NR6A1: variants seen among roughly 807,000 people sequenced by gnomAD.
The protein encoded by NR6A1 is retinoic acid receptor-related testis-associated receptor.
NR6A1 carries 7 observed loss-of-function variants against 59.1 expected under a neutral mutation model. The observed-to-expected ratio is 0.12, with a 90% CI of 0.07 to 0.22. The LOEUF (loss-of-function observed/expected upper bound fraction) is 0.22. Among genes scored for constraint, NR6A1 ranks in the 10% least tolerant of loss-of-function variants. The probability of loss-of-function intolerance (pLI) is 1.00; values close to 1 mark genes in which losing one functional copy is unlikely to be tolerated. For missense variants in NR6A1, 468 were observed against 611.6 expected (o/e 0.77, Z 2.48); for synonymous variants, 243 against 236.1 (o/e 1.03, Z -0.27).
At chr9:124,569,218 G>C (rs924755691) in intron 2 of NR6A1, among the ~76,000 whole-genome samples, 1 of 152,164 alleles carries the variant, frequency 6.6e-6, no homozygotes, top group Non-Finnish European at 1.5e-5. Flanking sequence ...AGAGAACTAC[G>C]TGCAATCTAT....
chr9:124,705,744 T>C (rs570326656), intron 2 of NR6A1, among the ~76,000 whole-genome samples: 13 of 152,042 alleles, frequency 8.6e-5, no homozygotes, highest in Admixed American at 3.9e-4. Flanking sequence ...TCATCTTTTG[T>C]GTGAAGTATG....
At chr9:124,586,197 G>C (rs1424714108) in intron 2 of NR6A1, among the ~76,000 whole-genome samples, 1 of 152,084 alleles carries the variant, frequency 6.6e-6, no homozygotes, top group Admixed American at 6.6e-5. Flanking sequence ...GATGGATCTA[G>C]GAAAAGTAAT....
chr9:124,603,454 G>A (rs534826551), intron 2 of NR6A1, among the ~76,000 whole-genome samples: 1 of 152,066 alleles, frequency 6.6e-6, no homozygotes, highest in African/African-American at 2.4e-5. Flanking sequence ...TTCAGGCCCT[G>A]TGTTAAATAT....
chr9:124,762,065 A>G (rs1321577346), intron 1 of NR6A1, among the ~76,000 whole-genome samples: 1 of 152,210 alleles, frequency 6.6e-6, no homozygotes, highest in African/African-American at 2.4e-5. Context: ...AAGTACTACT[A>G]ATGGTATCTG....
chr9:124,598,103 C>T (rs775600563), intron 2 of NR6A1, among the ~76,000 whole-genome samples: 13 of 152,300 alleles, frequency 8.5e-5, no homozygotes, highest in Non-Finnish European at 1.8e-4. Flanking sequence ...CCTGCCTTAA[C>T]CTCTCAAAGT....
chr9:124,614,650 T>C (rs886430474), intron 2 of NR6A1, among the ~76,000 whole-genome samples: 1 of 152,188 alleles, frequency 6.6e-6, no homozygotes, highest in Non-Finnish European at 1.5e-5. Flanking sequence ...TAGGCTCCTC[T>C]TGACATAGAC....
At chr9:124,613,337 ATAAAATTAAAAT>A (rs1245901665) in intron 2 of NR6A1, among the ~76,000 whole-genome samples, 6 of 152,238 alleles carry the variant, frequency 3.9e-5, no homozygotes, top group Non-Finnish European at 5.9e-5. Flanking sequence ...TGTCTCTAAA[ATAAAATTAAAAT>A]TAAAATTAAA....
chr9:124,558,701 C>T (rs990810307), intron 2 of NR6A1, among the ~76,000 whole-genome samples: 1 of 152,062 alleles, frequency 6.6e-6, no homozygotes, highest in African/African-American at 2.4e-5. Flanking sequence ...AATAGTCATC[C>T]AGCTAGTAAG....
intron 2 of NR6A1, among the ~76,000 whole-genome samples, chr9:124,727,014 T>C (rs1456977017): frequency 1.3e-5 from 2 of 152,252 alleles, no homozygotes; most frequent in Non-Finnish European, 2.9e-5. Context: ...TCTTTTGATA[T>C]GTAAGTTCTT....
intron 2 of NR6A1, among the ~76,000 whole-genome samples, chr9:124,653,022 AATC>A (rs1447052890): frequency 6.6e-6 from 1 of 152,198 alleles, no homozygotes; most frequent in African/African-American, 2.4e-5. Context: ...CATTTTGTAT[AATC>A]ATTATTAAAG....
At chr9:124,526,083 G>C (rs930826059) in intron 8 of NR6A1, among the ~76,000 whole-genome samples, 2 of 152,170 alleles carry the variant, frequency 1.3e-5, no homozygotes, top group African/African-American at 4.8e-5. Context: ...GAGGGCACTT[G>C]CAATGCCACA....
At chr9:124,713,259 C>T (rs970320712) in intron 2 of NR6A1, among the ~76,000 whole-genome samples, 1 of 151,376 alleles carries the variant, frequency 6.6e-6, no homozygotes, top group East Asian at 1.9e-4. Context: ...AACTCAAAAT[C>T]GATCAAAGAC....
At chr9:124,770,920 G>C in intron 1 of NR6A1, 100 bp downstream of exon 1, 1 of 678,742 alleles carries the variant, frequency 1.5e-6, no homozygotes, top group Non-Finnish European at 2.1e-6. Context: ...GGCCGCTGCG[G>C]CTTCCCAGGG....
intron 1 of NR6A1, among the ~76,000 whole-genome samples, chr9:124,746,492 G>C (rs903952640): frequency 9.2e-5 from 14 of 152,120 alleles, no homozygotes; most frequent in African/African-American, 3.4e-4. Context: ...GGTAGGCTGA[G>C]ACAGGAGAAT....
chr9:124,619,464 C>T (rs1031940954), intron 2 of NR6A1, among the ~76,000 whole-genome samples: 1 of 152,124 alleles, frequency 6.6e-6, no homozygotes, highest in African/African-American at 2.4e-5. Flanking sequence ...TGTTTCACCA[C>T]GTTTCCCAGG....
Position 124,676,984 on chromosome 9 carries a change from A to C in NR6A1, c.142+56324T>G, listed in dbSNP as rs553827484. Among the ~76,000 whole-genome samples, 90 of 152,320 alleles carry C rather than the reference A, an allele frequency of 5.9e-4. 1 individual carries two copies. The South Asian group carries it at 0.018, about 30-fold the overall frequency. ...TACACATAAGCTAGTTTCAAGATCA[A>C]AACTGCGTTTGTCCCTTTCAACAAC... On this transcript the variant is annotated intron_variant, in intron 2 of 9. Coordinates refer to ENST00000487099, the MANE Select transcript of NR6A1 (RefSeq NM_033334.4).
chr9:124,739,319 C>G (rs1484150976), intron 1 of NR6A1, among the ~76,000 whole-genome samples: 1 of 152,192 alleles, frequency 6.6e-6, no homozygotes, highest in Non-Finnish European at 1.5e-5. Flanking sequence ...ATAACCATCA[C>G]ATTCAATTGT....
chr9:124,522,510 ACT>A lies in NR6A1; in HGVS notation c.*193_*194del. The A allele has an allele frequency of 2.2e-6, 1 of 450,170 alleles. No individual in the cohort carries two copies. Among genetic ancestry groups the A allele is most frequent in the East Asian group, 3.7e-5 (1 of 27,024 alleles). The allele number at this position is 450,170 out of a possible 1,614,324, so 27.9% of individuals were successfully genotyped here. Reference sequence around the variant, plus strand: ...CATCATGTTGAAGGCCATACATTCAACTCTGTCGTGAAATAAATATATAGAAA... The same window carrying A: ...CATCATGTTGAAGGCCATACATTCAACTGTCGTGAAATAAATATATAGAAA... On this transcript the variant is annotated 3_prime_UTR_variant, in exon 10 of 10. Transcript: ENST00000487099.
At chr9:124,662,780 T>A (rs1254860971) in intron 2 of NR6A1, among the ~76,000 whole-genome samples, 1 of 152,202 alleles carries the variant, frequency 6.6e-6, no homozygotes, top group Non-Finnish European at 1.5e-5. Flanking sequence ...AAAAATCTCA[T>A]GTCATATTTG....
Sources: allele counts gnomAD v4.1 joint callset (sites outside exome capture counted in the v4.1 genomes callset), GRCh38; gene constraint gnomAD v4.1.1; transcripts MANE v1.5; gene names NCBI Gene and HGNC (gene_info 2026-07-23, HGNC 2026-07-21).